Variants in NFIX observed in about 807,000 individuals in gnomAD.
NFIX encodes the protein nuclear factor I X.
A neutral mutation model predicts 53.3 loss-of-function variants in NFIX; 2 were observed. The observed-to-expected ratio is 0.04, with a 90% CI of 0.02 to 0.12. The LOEUF is 0.12. NFIX is among the 10% of genes least tolerant of loss of function. The pLI, the probability that NFIX is intolerant of heterozygous loss-of-function variation, is 1.00. For missense variants in NFIX, 310 were observed against 674.5 expected, an observed-to-expected ratio of 0.46 and a Z score of 5.99; for synonymous variants, 244 against 289.0, an observed-to-expected ratio of 0.84 and a Z score of 1.58.
intron 10 of NFIX, among the ~76,000 whole-genome samples, chr19:13,092,437 C>T (rs909571636): frequency 6.6e-6 from 1 of 152,172 alleles, no homozygotes; most frequent in Non-Finnish European, 1.5e-5. Context: ...CCAGAGTCTT[C>T]CTTCCCTGAG....
intron 2 of NFIX, among the ~76,000 whole-genome samples, chr19:13,030,903 C>A (rs1385972176): frequency 1.3e-5 from 2 of 152,204 alleles, no homozygotes; most frequent in Non-Finnish European, 2.9e-5. Flanking sequence ...AGCATTTAAC[C>A]AAGCGTGGGG....
At chr19:13,024,508 CA>C in intron 1 of NFIX, 3 of 1,510,718 alleles carry the variant, frequency 2.0e-6, no homozygotes, top group Non-Finnish European at 2.7e-6. Context: ...TGGGGGCGGC[CA>C]AAAATCGACC....
Position 13,072,542 on chromosome 19 carries a change from G to T in NFIX, c.560-505G>T, listed in dbSNP as rs2016833921. ...GGATGCTCCTCTGGGAGCTGGAGCT[G>T]GGTGGGGGATGGGGGACCCTTGGGT... On this transcript the variant is annotated intron_variant, in intron 2 of 10. Transcript: ENST00000592199. The surrounding 1 kb of genome is among the most constrained non-coding windows in gnomAD (Gnocchi z 4.0). Among the ~76,000 whole-genome samples, 2 of 152,274 alleles carry T rather than the reference G, an allele frequency of 1.3e-5. No individual in the cohort carries two copies. Among genetic ancestry groups the T allele is most frequent in the African/African-American group, 4.8e-5 (2 of 41,466 alleles).
rs751703213 is a variant in NFIX at position 13,025,293 on chromosome 19, C to G, written c.300C>G (p.Pro100=). 1.9e-6 allele frequency: 3 copies of G among 1,613,964 alleles called. No homozygotes were observed. The highest frequency in any genetic ancestry group is 3.3e-5 in the Admixed American group (2 of 60,012). ...DFVLTITGKK[P]PCCVLSNPDQ... ...TGCTGACCATCACGGGCAAGAAGCCCCCCTGCTGCGTGCTCTCCAACCCCG... is the reference window on the plus strand; with the variant it reads ...TGCTGACCATCACGGGCAAGAAGCCGCCCTGCTGCGTGCTCTCCAACCCCG... The change falls in exon 2 of 11, where the codon CCC becomes CCG. Residue 100 remains proline (P), a synonymous_variant. Transcript: ENST00000592199. This position sits in a 1 kb window ranked among gnomAD's most constrained non-coding sequence, Gnocchi z 7.5.
rs1401895400 is a variant in NFIX at position 13,093,951 on chromosome 19, A to G, written c.1495-684A>G. Among the ~76,000 whole-genome samples, 1 of 152,072 alleles carries G rather than the reference A, an allele frequency of 6.6e-6. No individual in the cohort carries two copies. Among genetic ancestry groups the G allele is most frequent in the African/African-American group, 2.4e-5 (1 of 41,420 alleles). ...GACAAGACAAGGCCCTGTCTGTGGGAAGGCAGCGCCCCCTGCTGGCGATAT... is the reference window on the plus strand; with the variant it reads ...GACAAGACAAGGCCCTGTCTGTGGGGAGGCAGCGCCCCCTGCTGGCGATAT... On this transcript the variant is annotated intron_variant, in intron 10 of 10. Coordinates refer to ENST00000592199, the MANE Select transcript of NFIX (RefSeq NM_001365902.3). The surrounding 1 kb of genome is among the most constrained non-coding windows in gnomAD (Gnocchi z 4.7).
chr19:13,093,163 C>G lies in NFIX; in HGVS notation c.1495-1472C>G, dbSNP rs1189941179. On this transcript the variant is annotated intron_variant, in intron 10 of 10. Transcript: ENST00000592199. The surrounding 1 kb of genome is among the most constrained non-coding windows in gnomAD (Gnocchi z 4.7). ...TTCCTCAGTTACAGTAGCCACATTT[C>G]AAGTGCTTAGAAACCACTTGTGGCT... 2.6e-5 allele frequency among the ~76,000 whole-genome samples: 4 copies of G among 152,182 alleles called. No individual in the cohort carries two copies. The highest frequency in any genetic ancestry group is 4.4e-5 in the Non-Finnish European group (3 of 68,036).
intron 2 of NFIX, among the ~76,000 whole-genome samples, chr19:13,065,866 G>A (rs752024944): frequency 2.0e-5 from 3 of 152,286 alleles, no homozygotes; most frequent in South Asian, 2.1e-4. Context: ...GGAGGGCTCC[G>A]GGGCCACTTG....
At chr19:13,082,180 C>A in intron 8 of NFIX, 1 of 332,990 alleles carries the variant, frequency 3.0e-6, no homozygotes. Flanking sequence ...TGGGCCCTGA[C>A]CTCCCAGCGC....
Position 13,073,279 on chromosome 19 carries a change from CT to C in NFIX, c.623-142del, listed in dbSNP as rs2016876989. The C allele has an allele frequency of 9.8e-6, 9 of 917,238 alleles. No homozygotes were observed. The highest frequency in any genetic ancestry group is 1.8e-5 in the Admixed American group (1 of 54,762). 56.8% of individuals were successfully genotyped at this position (917,238 alleles called of 1,614,324 possible). On this transcript the variant is annotated intron_variant, in intron 3 of 10. Coordinates refer to ENST00000592199, the MANE Select transcript of NFIX (RefSeq NM_001365902.3). This position sits in a 1 kb window ranked among gnomAD's most constrained non-coding sequence, Gnocchi z 4.5. ...TGGGGGCACACCTAGAGGATCCCCC[CT>C]GTTCGGTGTAGACCTGAGGGCTAGC...
intron 2 of NFIX, among the ~76,000 whole-genome samples, chr19:13,048,446 G>C (rs2015126359): frequency 6.6e-6 from 1 of 151,720 alleles, no homozygotes; most frequent in African/African-American, 2.4e-5. Flanking sequence ...TCACCAGGCT[G>C]AGTTTTCAGA....
chr19:13,010,860 C>T lies in NFIX; in HGVS notation c.28-14161C>T, dbSNP rs2012302469. ...GCCGGCAGGGAAGGGAGGCCTAATT[C>T]CACCTCCCCCATCCCTCTCGGAACA... On this transcript the variant is annotated intron_variant, in intron 1 of 10. Coordinates refer to ENST00000592199, the MANE Select transcript of NFIX (RefSeq NM_001365902.3). 2.6e-5 allele frequency among the ~76,000 whole-genome samples: 4 copies of T among 152,200 alleles called. No homozygotes were observed. The South Asian group carries it at 8.3e-4, about 31-fold the overall frequency.
rs1363289899 is a variant in NFIX, at chr19:13,088,114, C to T, written c.1380C>T (p.Ala460=). The change falls in exon 9 of 11, where the codon GCC becomes GCT. Residue 460 remains alanine (A), a synonymous_variant. Transcript: ENST00000592199. This position sits in a 1 kb window ranked among gnomAD's most constrained non-coding sequence, Gnocchi z 5.9. ...SKSTSTAPDG[A]ALTPPSPSFA... The stretch of plus-strand genomic sequence containing the variant: ...CCACCAGCACTGCCCCAGACGGCGC[C>T]GCCTTGACTCCTCCATCACCTTGTA... The T allele has an allele frequency of 4.6e-6, 7 of 1,536,614 alleles. No individual in the cohort carries two copies. Among genetic ancestry groups the T allele is most frequent in the East Asian group, 2.4e-5 (1 of 40,922 alleles).
rs1030528821 is a variant in NFIX, at chr19:13,084,435, C to T, written c.1254+2580C>T. The stretch of plus-strand genomic sequence containing the variant: ...CTCCAGTCTGGGCGACAGAGTGAGA[C>T]TCTGTGTACAAAACAAAAACAAAAA... On this transcript the variant is annotated intron_variant, in intron 8 of 10. Transcript: ENST00000592199. 8.5e-5 allele frequency among the ~76,000 whole-genome samples: 13 copies of T among 152,198 alleles called. 1 individual carries two copies. The highest frequency in any genetic ancestry group is 3.1e-4 in the African/African-American group (13 of 41,516).
At chr19:13,024,848 C>A in intron 1 of NFIX, 173 bp from the exon 2 acceptor site, 1 of 1,317,278 alleles carries the variant, frequency 7.6e-7, no homozygotes, top group Non-Finnish European at 1.0e-6. Context: ...ACCACACTTT[C>A]GTAGAACAAT....
Position 13,025,934 on chromosome 19 carries a change from G to A in NFIX, c.559+382G>A, listed in dbSNP as rs2013309179. On this transcript the variant is annotated intron_variant, in intron 2 of 10. Coordinates refer to ENST00000592199, the MANE Select transcript of NFIX (RefSeq NM_001365902.3). This position sits in a 1 kb window ranked among gnomAD's most constrained non-coding sequence, Gnocchi z 7.5. The stretch of plus-strand genomic sequence containing the variant: ...CCAGTAATTGCTCTTATTAAAATGA[G>A]TCAGAAGAAGTATTGAGGGGCAGGT... 6.6e-6 allele frequency among the ~76,000 whole-genome samples: 1 copy of A among 152,180 alleles called. No homozygotes were observed. Among genetic ancestry groups the A allele is most frequent in the Non-Finnish European group, 1.5e-5 (1 of 68,038 alleles).
In NFIX at chr19:13,052,694, A is replaced by G. The variant is rs945347959; in HGVS notation, c.560-20353A>G. 6.6e-6 allele frequency among the ~76,000 whole-genome samples: 1 copy of G among 152,050 alleles called. No homozygotes were observed. Among genetic ancestry groups the G allele is most frequent in the Non-Finnish European group, 1.5e-5 (1 of 67,998 alleles). On this transcript the variant is annotated intron_variant, in intron 2 of 10. Coordinates refer to ENST00000592199, the MANE Select transcript of NFIX (RefSeq NM_001365902.3). This position sits in a 1 kb window ranked among gnomAD's most constrained non-coding sequence, Gnocchi z 5.2. Reference sequence around the variant, plus strand: ...GGCCTTAACCCTGCCGATTCCATATACTGTGCTCATCTCGACCCAGTTGAG... The same window carrying G: ...GGCCTTAACCCTGCCGATTCCATATGCTGTGCTCATCTCGACCCAGTTGAG...
rs1007102585 is a variant in NFIX at position 13,010,267 on chromosome 19, C to T, written c.27+14403C>T. ...GGGCTCAGCTGGGTCCGGACGGCGG[C>T]CCTCGCGCACGTGGTTACTCCCAAG... On this transcript the variant is annotated intron_variant, in intron 1 of 10. Coordinates refer to ENST00000592199, the MANE Select transcript of NFIX (RefSeq NM_001365902.3). Among the ~76,000 whole-genome samples, 6 of 152,318 alleles carry T rather than the reference C, an allele frequency of 3.9e-5. No homozygotes were observed. The East Asian group carries it at 1.2e-3, about 29-fold the overall frequency.
intron 2 of NFIX, among the ~76,000 whole-genome samples, chr19:13,033,183 G>A (rs1304148728): frequency 6.6e-6 from 1 of 152,184 alleles, no homozygotes; most frequent in Non-Finnish European, 1.5e-5. Flanking sequence ...CCTGCAGGCC[G>A]CCGTCGCCAT....
chr19:13,010,224 C>G (rs533528498), intron 1 of NFIX, among the ~76,000 whole-genome samples: 4 of 152,354 alleles, frequency 2.6e-5, no homozygotes, highest in South Asian at 4.1e-4. Context: ...CCCCATGGCC[C>G]GCTCAGGGGC....
Sources: gnomAD v4.1 joint callset for allele counts (sites outside exome capture counted in the v4.1 genomes callset) on GRCh38, gnomAD v4.1.1 for gene constraint, Gnocchi (gnomAD v3.1) non-coding constraint, MANE v1.5 for transcripts, NCBI Gene and HGNC (gene_info 2026-07-23, HGNC 2026-07-21) for gene names.